The following ACSM2A variants were observed in gnomAD, a reference collection of about 807,000 sequenced individuals.
ACSM2A encodes acyl-coenzyme A synthetase ACSM2A, mitochondrial.
ACSM2A carries 72 observed loss-of-function variants against 76.6 expected under a neutral mutation model. The observed-to-expected ratio is 0.94, with a 90% confidence interval of 0.78 to 1.14. The LOEUF (loss-of-function observed/expected upper bound fraction) is 1.14, where lower values mean the gene tolerates loss of function less well. Among genes scored for constraint, ACSM2A ranks in the 50% most tolerant of loss-of-function variants. ACSM2A has a pLI of 0.00. For synonymous variants in ACSM2A, 249 were observed against 255.9 expected (o/e 0.97, Z 0.26); for missense variants, 684 against 708.5 (o/e 0.97, Z 0.39).
chr16:20,460,062 A>G (rs2012513935), intron 1 of ACSM2A, 45 bp from the exon 2 acceptor site: 10 of 1,549,806 alleles, frequency 6.5e-6, no homozygotes, highest in Middle Eastern at 1.8e-4. Context: ...CAGTAGAGCA[A>G]TCTGTTAAAG....
chr16:20,483,542 C>T (rs890768721), intron 13 of ACSM2A, among the ~76,000 whole-genome samples: 6 of 114,914 alleles, frequency 5.2e-5, no homozygotes, highest in African/African-American at 2.0e-4. Flanking sequence ...TGCACTGCAG[C>T]CCAGGTGACA....
chr16:20,486,039 A>G (rs887939175), intron 13 of ACSM2A, among the ~76,000 whole-genome samples: 1 of 152,258 alleles, frequency 6.6e-6, no homozygotes, highest in Non-Finnish European at 1.5e-5. Context: ...TTGATGTGGA[A>G]TTCAAAATGA....
intron 6 of ACSM2A, among the ~76,000 whole-genome samples, chr16:20,472,913 G>T (rs528079104): frequency 1.3e-5 from 2 of 152,164 alleles, no homozygotes; most frequent in Non-Finnish European, 1.5e-5. Flanking sequence ...TCCAATTTAA[G>T]ATGGTTTTCT....
In ACSM2A at chr16:20,476,405, C is replaced by T. The variant is rs528649231; in HGVS notation, c.1098+632C>T. 1.3e-3 allele frequency: 1,302 copies of T among 985,740 alleles called. 4 individuals are homozygous for T. Among genetic ancestry groups the T allele is most frequent in the South Asian group, 4.6e-3 (98 of 21,294 alleles). 61.1% of individuals were successfully genotyped at this position (985,740 alleles called of 1,614,324 possible). On this transcript the variant is annotated intron_variant, in intron 8 of 13. Transcript: ENST00000573854. ...GACTCTCAGCACTTCTTGCCTCTTCCTCTCCACTCTCTTACCCTGCATCCT... is the reference window on the plus strand; with the variant it reads ...GACTCTCAGCACTTCTTGCCTCTTCTTCTCCACTCTCTTACCCTGCATCCT...
intron 2 of ACSM2A, among the ~76,000 whole-genome samples, chr16:20,461,946 G>A (rs1444135396): frequency 6.6e-6 from 1 of 152,146 alleles, no homozygotes; most frequent in African/African-American, 2.4e-5. Flanking sequence ...GGGTGCTACT[G>A]ATTGCTTAGG....
At chr16:20,475,572 A>C in intron 7 of ACSM2A, 78 bp from the exon 8 acceptor site, 2 of 1,606,644 alleles carry the variant, frequency 1.2e-6, no homozygotes, top group East Asian at 2.2e-5. Flanking sequence ...TCATCAAAGC[A>C]CCCAGAAACC....
chr16:20,456,548 G>A (rs998853405), intron 1 of ACSM2A, among the ~76,000 whole-genome samples: 2 of 151,916 alleles, frequency 1.3e-5, no homozygotes, highest in Non-Finnish European at 2.9e-5. Context: ...GTTCCTGAAT[G>A]ATCATTGGAT....
chr16:20,458,465 G>A, intron 1 of ACSM2A, among the ~76,000 whole-genome samples: 1 of 143,108 alleles, frequency 7.0e-6, no homozygotes, highest in East Asian at 2.0e-4. Flanking sequence ...TATAATATAT[G>A]GATATAGTAT....
intron 3 of ACSM2A, among the ~76,000 whole-genome samples, chr16:20,467,948 A>T (rs1837625589): frequency 6.6e-6 from 1 of 152,026 alleles, no homozygotes; most frequent in South Asian, 2.1e-4. Context: ...AATCCCAACT[A>T]AAAGCTCCAA....
intron 2 of ACSM2A, among the ~76,000 whole-genome samples, chr16:20,463,674 C>CT (rs1173366005): frequency 2.8e-4 from 42 of 152,238 alleles, no homozygotes; most frequent in Non-Finnish European, 6.0e-4. Context: ...GCCAATTAAA[C>CT]TTTTTTCTTT....
intron 3 of ACSM2A, among the ~76,000 whole-genome samples, chr16:20,468,986 C>A (rs896852052): frequency 6.6e-6 from 1 of 152,116 alleles, no homozygotes; most frequent in South Asian, 2.1e-4. Context: ...CCACTTTGTA[C>A]CCAATAAATA....
At chr16:20,452,945 A>G (rs1299657809) in intron 1 of ACSM2A, among the ~76,000 whole-genome samples, 1 of 152,142 alleles carries the variant, frequency 6.6e-6, no homozygotes, top group Admixed American at 6.6e-5. Context: ...GAACCAAGGA[A>G]CATAATGAAG....
At chr16:20,476,160 A>G (rs1349821634) in intron 8 of ACSM2A, 1 of 1,080,326 alleles carries the variant, frequency 9.3e-7, no homozygotes, top group African/African-American at 1.7e-5. Flanking sequence ...TTTATCAAAC[A>G]TGTCAAGCAC....
At chr16:20,458,656 C>T (rs2012361676) in intron 1 of ACSM2A, among the ~76,000 whole-genome samples, 2 of 140,464 alleles carry the variant, frequency 1.4e-5, no homozygotes, top group African/African-American at 5.2e-5. Context: ...ATTCCAAGCT[C>T]ATGGATATAT....
intron 13 of ACSM2A, among the ~76,000 whole-genome samples, chr16:20,484,840 G>C (rs2014301803): frequency 6.6e-6 from 1 of 152,162 alleles, no homozygotes. Flanking sequence ...AGCTGTCTCT[G>C]GCTGAGGCAA....
intron 1 of ACSM2A, chr16:20,452,332 A>G (rs371160337): frequency 1.3e-5 from 2 of 148,358 alleles, no homozygotes; most frequent in African/African-American, 5.1e-5. Context: ...CTAGCTTCCC[A>G]GCCTAGATCT....
chr16:20,486,426 G>C (rs897983563), intron 13 of ACSM2A, 148 bp from the exon 14 acceptor site: 30 of 774,830 alleles, frequency 3.9e-5, no homozygotes, highest in Non-Finnish European at 6.0e-5. Flanking sequence ...TCATCCCAGA[G>C]CACTTTCTGA....
intron 1 of ACSM2A, 65 bp from the exon 2 acceptor site, chr16:20,460,042 T>C (rs6497489): frequency 0.28 from 373,136 of 1,351,266 alleles, 68,869 homozygotes; most frequent in East Asian, 0.8. Flanking sequence ...CTCCTGAAGC[T>C]GCTGATGATC....
At chr16:20,455,424 A>G (rs186169808) in intron 1 of ACSM2A, among the ~76,000 whole-genome samples, 93 of 151,232 alleles carry the variant, frequency 6.1e-4, no homozygotes, top group African/African-American at 2.2e-3. Context: ...ATAAAGGAAA[A>G]CCTGTCAGAT....
Sources: allele counts gnomAD v4.1 joint callset (sites outside exome capture counted in the v4.1 genomes callset), GRCh38; gene constraint gnomAD v4.1.1; transcripts MANE v1.5; gene names NCBI Gene and HGNC (gene_info 2026-07-23, HGNC 2026-07-21).